TJP1: variants seen among roughly 807,000 people sequenced by gnomAD.
TJP1 encodes tight junction protein ZO-1.
TJP1 carries 43 observed loss-of-function variants against 194.2 expected under a neutral mutation model. The ratio of observed to expected loss-of-function variants is 0.22; its 90% CI spans 0.17 to 0.29. The LOEUF (loss-of-function observed/expected upper bound fraction) is 0.29, where lower values mean the gene tolerates loss of function less well. TJP1 is among the 10% of genes least tolerant of loss of function. The probability of loss-of-function intolerance (pLI) is 1.00; values close to 1 mark genes in which losing one functional copy is unlikely to be tolerated. For synonymous variants in TJP1, 801 were observed against 779.0 expected (o/e 1.03, Z -0.47); for missense variants, 1,971 against 2,185.7 (o/e 0.90, Z 1.96).
intron 10 of TJP1, among the ~76,000 whole-genome samples, chr15:29,738,865 TAAAAAAAAAA>T (rs71103406): frequency 4.1e-5 from 2 of 48,864 alleles, no homozygotes; most frequent in South Asian, 1.6e-3. Flanking sequence ...CTGTCACTAC[TAAAAAAAAAA>T]AAAAAAAAAA....
At chr15:29,833,868 TATATATA>T in intron 2 of TJP1, among the ~76,000 whole-genome samples, 1 of 22,880 alleles carries the variant, frequency 4.4e-5, no homozygotes, top group African/African-American at 1.5e-4. Context: ...TATATATATA[TATATATA>T]TATATATTTT....
chr15:29,719,677 A>C (rs1397397440), intron 20 of TJP1, 100 bp downstream of exon 20: 2 of 1,456,034 alleles, frequency 1.4e-6, no homozygotes, highest in African/African-American at 1.4e-5. Flanking sequence ...ATAAGCCTGC[A>C]GTAAAAAAGC....
Position 29,718,004 on chromosome 15 carries a change from G to T in TJP1, c.3974+17C>A, listed in dbSNP as rs148552029. On this transcript the variant is annotated intron_variant, in intron 22 of 27. Transcript: ENST00000614355. The stretch of plus-strand genomic sequence containing the variant: ...CCTGGTCAGTTCTATGCCACAAAGA[G>T]CACAAAGTGTACTCACCTGTACAGA... 1.4e-4 allele frequency: 220 copies of T among 1,598,034 alleles called. No homozygotes were observed. In the African/African-American group the frequency reaches 2.7e-3, roughly 20 times the overall value.
chr15:29,871,141 G>A (rs908902407), intron 2 of TJP1, among the ~76,000 whole-genome samples: 3 of 152,214 alleles, frequency 2.0e-5, no homozygotes, highest in African/African-American at 7.2e-5. Context: ...CACTCACTTA[G>A]AGACGGTAAC....
intron 2 of TJP1, chr15:29,800,380 TTTATC>T (rs1376104238): frequency 3.5e-5 from 17 of 480,754 alleles, no homozygotes; most frequent in Non-Finnish European, 6.2e-5. Context: ...TACAGAGTCT[TTTATC>T]TGATCACTCA....
chr15:29,953,011 T>C (rs1476023256), intron 2 of TJP1, among the ~76,000 whole-genome samples: 1 of 152,196 alleles, frequency 6.6e-6, no homozygotes, highest in East Asian at 1.9e-4. Flanking sequence ...TCTACATGAT[T>C]ATATTACAAA....
chr15:29,802,046 T>C (rs545246224), intron 1 of TJP1, among the ~76,000 whole-genome samples: 5 of 152,302 alleles, frequency 3.3e-5, no homozygotes, highest in Middle Eastern at 6.8e-3. Flanking sequence ...ATGGGGTTAA[T>C]TGCTCTTGGA....
intron 11 of TJP1, 63 bp downstream of exon 11, chr15:29,737,201 T>C (rs2044091466): frequency 1.9e-6 from 3 of 1,574,352 alleles, no homozygotes; most frequent in Non-Finnish European, 2.6e-6. Context: ...AGCTTGTTGT[T>C]TGATACCTTT....
chr15:29,734,470 A>C lies in TJP1; in HGVS notation c.1408-88T>G, dbSNP rs2043889095. 8.3e-6 allele frequency: 8 copies of C among 964,312 alleles called. No individual in the cohort carries two copies. In the South Asian group the frequency reaches 1.3e-4, roughly 16 times the overall value. 59.7% of individuals were successfully genotyped at this position (964,312 alleles called of 1,614,324 possible). A position where few individuals can be genotyped will look rare whatever the true frequency, so the allele number is the denominator to read the frequency against. On this transcript the variant is annotated intron_variant, in intron 11 of 27. Coordinates refer to ENST00000614355, the MANE Select transcript of TJP1 (RefSeq NM_001330239.4). ...GGACACAGATACTCTCAGTCTACCTAATTTGAAAATATCACATCTTTTTTT... is the reference window on the plus strand; with the variant it reads ...GGACACAGATACTCTCAGTCTACCTCATTTGAAAATATCACATCTTTTTTT...
chr15:29,717,277 C>T (rs1327308441), intron 22 of TJP1, among the ~76,000 whole-genome samples: 2 of 152,152 alleles, frequency 1.3e-5, no homozygotes, highest in Non-Finnish European at 2.9e-5. Flanking sequence ...ACAAATAACT[C>T]TATATGGTCT....
chr15:29,713,813 AAG>A (rs936061465), intron 23 of TJP1, among the ~76,000 whole-genome samples: 1 of 152,216 alleles, frequency 6.6e-6, no homozygotes, highest in Non-Finnish European at 1.5e-5. Flanking sequence ...CACAATTATA[AAG>A]AGTTTCAATT....
chr15:29,783,640 A>G lies in TJP1; in HGVS notation c.85-10283T>C, dbSNP rs570062317. Among the ~76,000 whole-genome samples the G allele has an allele frequency of 4.6e-5, 7 of 152,354 alleles. No homozygotes were observed. In the East Asian group the frequency reaches 1.3e-3, roughly 29 times the overall value. Reference sequence around the variant, plus strand: ...TAACTATGCAGCCATAAAAAAGAATAAGATCATGTCCTTTGCAAGAACACG... The same window carrying G: ...TAACTATGCAGCCATAAAAAAGAATGAGATCATGTCCTTTGCAAGAACACG... On this transcript the variant is annotated intron_variant, in intron 2 of 27. Transcript: ENST00000614355.
At chr15:29,858,982 T>G (rs1331352144) in intron 2 of TJP1, among the ~76,000 whole-genome samples, 1 of 152,162 alleles carries the variant, frequency 6.6e-6, no homozygotes, top group Non-Finnish European at 1.5e-5. Flanking sequence ...TACGAGCCAC[T>G]GTGCCCAACC....
chr15:29,753,212 A>G (rs2045405418), intron 8 of TJP1, among the ~76,000 whole-genome samples: 1 of 152,130 alleles, frequency 6.6e-6, no homozygotes, highest in South Asian at 2.1e-4. Context: ...GGCCAGGCGC[A>G]GTGGCTCACG....
chr15:29,903,750 G>T (rs533419218), intron 2 of TJP1, among the ~76,000 whole-genome samples: 2 of 152,322 alleles, frequency 1.3e-5, no homozygotes, highest in East Asian at 3.9e-4. Context: ...GGCCCAAGTT[G>T]CAGAATCTTA....
chr15:29,773,450 T>C (rs1595846124), intron 2 of TJP1, 93 bp from the exon 3 acceptor site: 1 of 1,257,720 alleles, frequency 8.0e-7, no homozygotes. Context: ...AATATAAAAA[T>C]TACAATCTTA....
Position 29,761,687 on chromosome 15 carries a change from A to G in TJP1, c.776T>C (p.Val259Ala). ...CGTAGCCCGTTCATCTCTTTGAACTACCATTTTTAATTTGCCTTTAGACCT... is the reference window on the plus strand; with the variant it reads ...CGTAGCCCGTTCATCTCTTTGAACTGCCATTTTTAATTTGCCTTTAGACCT... ...IERSKGKLKM[V>A]VQRDERATLL... is the part of the protein sequence containing the mutation. The change falls in exon 7 of 28, where the codon GTA becomes GCA. Residue 259 changes from valine (V) to alanine (A), a missense_variant. By Grantham distance (64) the Val-to-Ala change is moderately conservative. This residue lies in a region of TJP1 where 245 missense variants were observed against 336.6 expected (regional missense o/e 0.73). Coordinates refer to ENST00000614355, the MANE Select transcript of TJP1 (RefSeq NM_001330239.4). 6.2e-7 allele frequency: 1 copy of G among 1,610,064 alleles called. No homozygotes were observed. The highest frequency in any genetic ancestry group is 8.5e-7 in the Non-Finnish European group (1 of 1,176,738).
At chr15:29,754,575 G>GA (rs1024593571) in intron 8 of TJP1, among the ~76,000 whole-genome samples, 72 of 150,958 alleles carry the variant, frequency 4.8e-4, no homozygotes, top group South Asian at 1.7e-3. Flanking sequence ...ATTTGAAATA[G>GA]AAAAAAAAAT....
chr15:29,801,617 A>G lies in TJP1; in HGVS notation c.28-915T>C, dbSNP rs2048792188. On this transcript the variant is annotated intron_variant, in intron 1 of 27. Coordinates refer to ENST00000614355, the MANE Select transcript of TJP1 (RefSeq NM_001330239.4). ...GCTGGGACTACAGGCGCCCGCCACT[A>G]CGCCCGGCTAATTTTTTGTATTTTT... 2.6e-5 allele frequency among the ~76,000 whole-genome samples: 4 copies of G among 151,026 alleles called. No individual in the cohort carries two copies. In the South Asian group the frequency reaches 8.5e-4, roughly 32 times the overall value.
Sources: gnomAD v4.1 joint callset for allele counts (sites outside exome capture counted in the v4.1 genomes callset) on GRCh38, gnomAD v4.1.1 for gene constraint, gnomAD v4.1.1 regional missense constraint, MANE v1.5 for transcripts, NCBI Gene and HGNC (gene_info 2026-07-23, HGNC 2026-07-21) for gene names.